Variants in LINGO2 observed in about 807,000 individuals in gnomAD.
LINGO2 encodes the protein leucine rich repeat and Ig domain containing 2.
LINGO2 carries 14 observed loss-of-function variants against 30.6 expected under a neutral mutation model. That is an observed-to-expected ratio of 0.46 (90% confidence interval 0.30 to 0.72). The LOEUF is 0.72. LINGO2 is among the 30% of genes least tolerant of loss of function. LINGO2 has a pLI of 0.07. For missense variants in LINGO2, 729 were observed against 751.7 expected (o/e 0.97, Z 0.35); for synonymous variants, 317 against 288.5 (o/e 1.10, Z -1.00).
At chr9:28,927,410 T>A in the LINGO2 span, among the ~76,000 whole-genome samples, 1 of 152,138 alleles carries the variant, frequency 6.6e-6, no homozygotes, top group Admixed American at 6.5e-5. Flanking sequence ...CAGGGTAAGG[T>A]AAACCAATAA....
chr9:28,980,805 T>C, the LINGO2 span, among the ~76,000 whole-genome samples: 5 of 140,466 alleles, frequency 3.6e-5, no homozygotes, highest in East Asian at 1.1e-3. Context: ...ATACTCTGTA[T>C]TTTATTATTT....
At chr9:28,017,246 C>A (rs1291987848) in intron 4 of LINGO2, among the ~76,000 whole-genome samples, 1 of 152,126 alleles carries the variant, frequency 6.6e-6, no homozygotes, top group African/African-American at 2.4e-5. Context: ...ACTGAACAGG[C>A]AAAAGCTGGA....
chr9:28,152,183 A>C (rs1025518890), intron 4 of LINGO2, among the ~76,000 whole-genome samples: 8 of 152,168 alleles, frequency 5.3e-5, no homozygotes, highest in South Asian at 2.1e-4. Flanking sequence ...ATGGGAGTGG[A>C]TCCCTCATTA....
At chr9:28,635,987 A>G (rs1402752333) in intron 1 of LINGO2, among the ~76,000 whole-genome samples, 1 of 151,698 alleles carries the variant, frequency 6.6e-6, no homozygotes, top group South Asian at 2.1e-4. Context: ...TCCCCACCCC[A>G]CAACAGGCCC....
At chr9:29,179,155 G>GTAAATATATATATATATATATA in the LINGO2 span, among the ~76,000 whole-genome samples, 1 of 70,640 alleles carries the variant, frequency 1.4e-5, no homozygotes, top group Non-Finnish European at 2.5e-5. Context: ...CCTTCTTACT[G>GTAAATATATATATATATATATA]TAAATATATA....
chr9:28,045,126 T>A (rs138343858), intron 4 of LINGO2, among the ~76,000 whole-genome samples: 1,534 of 151,694 alleles, frequency 0.01, 50 homozygotes, highest in Admixed American at 0.064. Flanking sequence ...ATCCTTATGA[T>A]CCCACATAAG....
chr9:28,317,134 G>A (rs1824874216), intron 3 of LINGO2, among the ~76,000 whole-genome samples: 1 of 152,160 alleles, frequency 6.6e-6, no homozygotes, highest in African/African-American at 2.4e-5. Flanking sequence ...ACAGAACAAT[G>A]TGAAACTTTG....
chr9:28,395,377 G>T (rs1028483637), intron 2 of LINGO2, among the ~76,000 whole-genome samples: 1 of 152,148 alleles, frequency 6.6e-6, no homozygotes, highest in African/African-American at 2.4e-5. Context: ...CCCAATCACT[G>T]GCATGCTCTC....
intron 5 of LINGO2, among the ~76,000 whole-genome samples, chr9:27,987,163 A>G (rs774856677): frequency 1.3e-5 from 2 of 151,912 alleles, no homozygotes; most frequent in Non-Finnish European, 2.9e-5. Context: ...GATGTCTTCT[A>G]AAATGAATAA....
At chr9:29,084,756 T>C in the LINGO2 span, among the ~76,000 whole-genome samples, 4 of 152,130 alleles carry the variant, frequency 2.6e-5, no homozygotes, top group East Asian at 7.8e-4. Context: ...TCTTCTGTAA[T>C]ACTCACCAAA....
chr9:28,635,321 C>T (rs1479686842), intron 1 of LINGO2, among the ~76,000 whole-genome samples: 1 of 152,066 alleles, frequency 6.6e-6, no homozygotes, highest in Non-Finnish European at 1.5e-5. Flanking sequence ...GACTTCTACC[C>T]TAACTGTGAT....
At chr9:28,858,312 C>T in the LINGO2 span, among the ~76,000 whole-genome samples, 284 of 152,148 alleles carry the variant, frequency 1.9e-3, no homozygotes, top group African/African-American at 6.5e-3. Flanking sequence ...GGCAGATGAA[C>T]ATTTAAGAAT....
intron 4 of LINGO2, among the ~76,000 whole-genome samples, chr9:28,156,956 G>T (rs1828147781): frequency 6.6e-6 from 1 of 152,176 alleles, no homozygotes; most frequent in Non-Finnish European, 1.5e-5. Flanking sequence ...GCTCCCCTTG[G>T]CTGCCTTTGT....
the LINGO2 span, among the ~76,000 whole-genome samples, chr9:29,085,859 T>C: frequency 0.022 from 3,324 of 152,258 alleles, 117 homozygotes; most frequent in African/African-American, 0.074. Context: ...CCTATTAACA[T>C]ACATCTGTTA....
the LINGO2 span, among the ~76,000 whole-genome samples, chr9:28,705,877 C>T: frequency 6.6e-6 from 1 of 152,022 alleles, no homozygotes; most frequent in African/African-American, 2.4e-5. Flanking sequence ...ATTTGGAGGG[C>T]ATAAGTTTGC....
At chr9:29,192,445 T>C in the LINGO2 span, among the ~76,000 whole-genome samples, 2 of 152,190 alleles carry the variant, frequency 1.3e-5, no homozygotes, top group East Asian at 1.9e-4. Flanking sequence ...AGTATTAAAA[T>C]GGAGATTGAT....
rs543941681 is a variant in LINGO2, at chr9:28,495,390, C to T, written c.-364-19365G>A. On this transcript the variant is annotated intron_variant, in intron 1 of 5. Transcript: ENST00000379992. ...CTTTAATCCATCTTGAATTAACTTT[C>T]GTATAAGGTATAAGGAAGGGATCCA... Among the ~76,000 whole-genome samples the T allele has an allele frequency of 9.9e-5, 15 of 152,198 alleles. No homozygotes were observed. In the Middle Eastern group the frequency reaches 0.01, roughly 104 times the overall value.
chr9:29,166,661 A>G, the LINGO2 span, among the ~76,000 whole-genome samples: 1 of 152,138 alleles, frequency 6.6e-6, no homozygotes, highest in Admixed American at 6.6e-5. Context: ...TTATACTGCA[A>G]TCTGGAATTT....
the LINGO2 span, among the ~76,000 whole-genome samples, chr9:28,913,247 G>C: frequency 6.6e-6 from 1 of 151,966 alleles, no homozygotes; most frequent in Non-Finnish European, 1.5e-5. Flanking sequence ...ATGTGATGTA[G>C]TAATTATTAA....
Sources: allele counts gnomAD v4.1 joint callset (sites outside exome capture counted in the v4.1 genomes callset), GRCh38; gene constraint gnomAD v4.1.1; transcripts MANE v1.5; gene names NCBI Gene and HGNC (gene_info 2026-07-23, HGNC 2026-07-21).